The following PTGIR variants were observed in gnomAD, a reference collection of about 807,000 sequenced individuals.
PTGIR encodes prostaglandin I2 receptor, also known as prostacyclin receptor.
PTGIR carries 16 observed loss-of-function variants against 17.6 expected under a neutral mutation model. The observed-to-expected ratio is 0.91, with a 90% CI of 0.61 to 1.38. The LOEUF (loss-of-function observed/expected upper bound fraction) is 1.38, where lower values mean the gene tolerates loss of function less well. Among genes scored for constraint, PTGIR ranks in the 40% most tolerant of loss-of-function variants. PTGIR has a pLI of 0.00. For missense variants in PTGIR, 532 were observed against 548.6 expected (o/e 0.97, Z 0.30); for synonymous variants, 274 against 255.4 (o/e 1.07, Z -0.69).
At position 46,621,238 on chromosome 19, in the gene PTGIR, C is replaced by T. The variant is rs201083449; in HGVS notation, c.*42G>A. 1.2e-5 allele frequency: 18 copies of T among 1,467,746 alleles called. No homozygotes were observed. Among genetic ancestry groups the T allele is most frequent in the Middle Eastern group, 1.8e-4 (1 of 5,420 alleles). 90.9% of individuals were successfully genotyped at this position (1,467,746 alleles called of 1,614,324 possible). A position where few individuals can be genotyped will look rare whatever the true frequency, so the allele number is the denominator to read the frequency against. Reference sequence around the variant, plus strand: ...ATGTCCCTGATTTTCTGGCTCCTGTCGCCCGAAGACAGGGCAGAGATCACA... The same window carrying T: ...ATGTCCCTGATTTTCTGGCTCCTGTTGCCCGAAGACAGGGCAGAGATCACA... On this transcript the variant is annotated 3_prime_UTR_variant, in exon 3 of 3. Transcript: ENST00000291294. The surrounding 1 kb of genome is among the most constrained non-coding windows in gnomAD (Gnocchi z 4.8).
intron 1 of PTGIR, chr19:46,624,591 A>G (rs1016490084): frequency 4.8e-5 from 9 of 186,438 alleles, no homozygotes; most frequent in African/African-American, 2.1e-4. Flanking sequence ...AGTAGATGAG[A>G]TTACAGGCGT....
Position 46,623,786 on chromosome 19 carries a change from C to T in PTGIR, c.440G>A (p.Cys147Tyr). ...CAGGGGCAGCGCGCAGAAGAGGACGCAGAAGGCGTAGATGGCTGGCAGCGC... is the reference window on the plus strand; with the variant it reads ...CAGGGGCAGCGCGCAGAAGAGGACGTAGAAGGCGTAGATGGCTGGCAGCGC... ...RLALPAIYAFCVLFCALPLLG... is the reference protein window; with the variant it reads ...RLALPAIYAFYVLFCALPLLG... Residue 147 changes from cysteine (C) to tyrosine (Y), a missense_variant, in exon 2 of 3, where the codon TGC becomes TAC. Physicochemically the swap from Cys to Tyr is radical, Grantham distance 194. Coordinates refer to ENST00000291294, the MANE Select transcript of PTGIR (RefSeq NM_000960.4). 6.2e-7 allele frequency: 1 copy of T among 1,607,330 alleles called. No individual in the cohort carries two copies. The highest frequency in any genetic ancestry group is 8.5e-7 in the Non-Finnish European group (1 of 1,178,338).
chr19:46,621,656 T>C lies in PTGIR; in HGVS notation c.785A>G (p.Gln262Arg). ...SLPLTIRCFTQAVAPDSSSEM... is the reference protein window; with the variant it reads ...SLPLTIRCFTRAVAPDSSSEM... ...ACTGCTGCTGTCAGGGGCGACAGCCTGGGTGAAGCAGCGGATCTGAGGGCA... is the reference window on the plus strand; with the variant it reads ...ACTGCTGCTGTCAGGGGCGACAGCCCGGGTGAAGCAGCGGATCTGAGGGCA... Residue 262 changes from glutamine to arginine, a missense_variant, in exon 3 of 3, where the codon CAG becomes CGG. Gln to Arg is a conservative substitution (Grantham distance 43, BLOSUM62 1). Coordinates refer to ENST00000291294, the MANE Select transcript of PTGIR (RefSeq NM_000960.4). The surrounding 1 kb of genome is among the most constrained non-coding windows in gnomAD (Gnocchi z 4.8). 2 of 1,612,266 alleles carry C rather than the reference T, an allele frequency of 1.2e-6. No individual in the cohort carries two copies. Among genetic ancestry groups the C allele is most frequent in the South Asian group, 2.2e-5 (2 of 91,070 alleles).
chr19:46,612,628 T>C, the PTGIR span, among the ~76,000 whole-genome samples: 1 of 152,108 alleles, frequency 6.6e-6, no homozygotes, highest in East Asian at 1.9e-4. Context: ...AGCTGGGCTT[T>C]AGGGTAAATG....
rs762929757 is a variant in PTGIR at position 46,620,684 on chromosome 19, G to A, written c.*596C>T. 1.4e-5 allele frequency: 14 copies of A among 985,932 alleles called. No individual in the cohort carries two copies. The highest frequency in any genetic ancestry group is 1.7e-5 in the Non-Finnish European group (14 of 829,996). The allele number at this position is 985,932 out of a possible 1,614,324, so 61.1% of individuals were successfully genotyped here. On this transcript the variant is annotated 3_prime_UTR_variant, in exon 3 of 3. Coordinates refer to ENST00000291294, the MANE Select transcript of PTGIR (RefSeq NM_000960.4). The stretch of plus-strand genomic sequence containing the variant: ...CAGGCCCTTTTTGTACCAAGCACAT[G>A]TCCTACGTCATCACCCACAATGCAG...
chr19:46,612,551 A>G, the PTGIR span, among the ~76,000 whole-genome samples: 1 of 152,216 alleles, frequency 6.6e-6, no homozygotes, highest in Non-Finnish European at 1.5e-5. Flanking sequence ...CTGCAAGGTT[A>G]TGAAGTAGGA....
In PTGIR at chr19:46,624,254, G is replaced by A. The variant is rs202231861; in HGVS notation, c.-12-17C>T. 4 of 1,418,420 alleles carry A rather than the reference G, an allele frequency of 2.8e-6. No homozygotes were observed. The highest frequency in any genetic ancestry group is 3.7e-6 in the Non-Finnish European group (4 of 1,091,986). 87.9% of individuals were successfully genotyped at this position (1,418,420 alleles called of 1,614,324 possible). On this transcript the variant is annotated splice_polypyrimidine_tract_variant and intron_variant, in intron 1 of 2. Transcript: ENST00000291294. ...AGGTCTGGGCTGGAGGGTTCCCAAG[G>A]TGGGGGGTCAGAGGGAGCCAGGGCT...
chr19:46,621,376 C>T lies in PTGIR; in HGVS notation c.1065G>A (p.Gly355=), dbSNP rs201315796. ...SCVPLSAWGE[G]QVEPLPPTQQ... is the part of the protein sequence containing the mutation. Reference sequence around the variant, plus strand: ...GTGTGGGAGGCAAGGGCTCCACCTGCCCCTCGCCCCAAGCCGACAAAGGCA... The same window carrying T: ...GTGTGGGAGGCAAGGGCTCCACCTGTCCCTCGCCCCAAGCCGACAAAGGCA... The change falls in exon 3 of 3, where the codon GGG becomes GGA. Residue 355 remains glycine (G), a synonymous_variant. Transcript: ENST00000291294. The surrounding 1 kb of genome is among the most constrained non-coding windows in gnomAD (Gnocchi z 4.8). The T allele has an allele frequency of 3.8e-6, 6 of 1,577,894 alleles. No homozygotes were observed. Among genetic ancestry groups the T allele is most frequent in the Non-Finnish European group, 5.2e-6 (6 of 1,159,776 alleles).
chr19:46,624,336 G>A (rs904850859), intron 1 of PTGIR, 99 bp from the exon 2 acceptor site: 40 of 1,197,984 alleles, frequency 3.3e-5, no homozygotes, highest in African/African-American at 6.5e-5. Flanking sequence ...TTGGCAGCTG[G>A]GGCCTCCCAG....
chr19:46,611,595 C>T, the PTGIR span, among the ~76,000 whole-genome samples: 1 of 152,216 alleles, frequency 6.6e-6, no homozygotes, highest in South Asian at 2.1e-4. Flanking sequence ...TTTCTCGTGG[C>T]AAGTGGGGAT....
At chr19:46,612,753 T>G in the PTGIR span, among the ~76,000 whole-genome samples, 1 of 152,202 alleles carries the variant, frequency 6.6e-6, no homozygotes, top group East Asian at 1.9e-4. Context: ...CCCTTAGCAG[T>G]AAGGGTACCT....
In PTGIR at chr19:46,621,831, A is replaced by G. The variant is rs902339820; in HGVS notation, c.769-159T>C. The stretch of plus-strand genomic sequence containing the variant: ...TAAGTAACAAATGTATCTGGGGAAC[A>G]CAGGGAGAGAAAGCCCCAGGAAATT... On this transcript the variant is annotated intron_variant, in intron 2 of 2. Transcript: ENST00000291294. This position sits in a 1 kb window ranked among gnomAD's most constrained non-coding sequence, Gnocchi z 4.8. 13 of 1,400,652 alleles carry G rather than the reference A, an allele frequency of 9.3e-6. No individual in the cohort carries two copies. The highest frequency in any genetic ancestry group is 3.0e-5 in the Admixed American group (1 of 33,340). The allele number at this position is 1,400,652 out of a possible 1,614,324, so 86.8% of individuals were successfully genotyped here. A position where few individuals can be genotyped will look rare whatever the true frequency, so the allele number is the denominator to read the frequency against.
At chr19:46,613,224 G>A in the PTGIR span, among the ~76,000 whole-genome samples, 3 of 150,108 alleles carry the variant, frequency 2.0e-5, no homozygotes, top group South Asian at 2.1e-4. Context: ...TTGTATTTTG[G>A]TAGAAACGGG....
chr19:46,618,324 A>G (rs1019815571), downstream of PTGIR, among the ~76,000 whole-genome samples: 1 of 151,618 alleles, frequency 6.6e-6, no homozygotes, highest in Admixed American at 6.6e-5. Flanking sequence ...TAATTTTTGT[A>G]TTTTTAGTAG....
At chr19:46,611,279 G>C in the PTGIR span, among the ~76,000 whole-genome samples, 1 of 152,206 alleles carries the variant, frequency 6.6e-6, no homozygotes, top group Non-Finnish European at 1.5e-5. Flanking sequence ...TGAGAGCCCC[G>C]AGCAGCTTGG....
chr19:46,612,938 G>T, the PTGIR span, among the ~76,000 whole-genome samples: 3 of 151,306 alleles, frequency 2.0e-5, no homozygotes, highest in African/African-American at 7.3e-5. Flanking sequence ...ACTTCCCTTG[G>T]CCTCCATTTA....
the PTGIR span, among the ~76,000 whole-genome samples, chr19:46,613,842 C>G: frequency 6.6e-6 from 1 of 152,196 alleles, no homozygotes; most frequent in Non-Finnish European, 1.5e-5. Context: ...TCTCAAAGCC[C>G]AGCGCACTCG....
intron 2 of PTGIR, chr19:46,622,231 G>C: frequency 1.0e-6 from 1 of 985,430 alleles, no homozygotes. Context: ...GCAGGACGGG[G>C]TCCCCGCAGG....
chr19:46,617,737 C>G (rs1165519644), downstream of PTGIR, among the ~76,000 whole-genome samples: 1 of 152,106 alleles, frequency 6.6e-6, no homozygotes, highest in Non-Finnish European at 1.5e-5. Context: ...CCTCACCATC[C>G]TCTGTTGGGG....
Sources: allele counts gnomAD v4.1 joint callset (sites outside exome capture counted in the v4.1 genomes callset), GRCh38; gene constraint gnomAD v4.1.1; non-coding constraint Gnocchi (gnomAD v3.1); transcripts MANE v1.5; gene names NCBI Gene and HGNC (gene_info 2026-07-23, HGNC 2026-07-21).